ZFHX3: variants seen among roughly 807,000 people sequenced by gnomAD.
ZFHX3 encodes the protein zinc finger homeobox 3, also known as zinc finger homeobox protein 3.
In ZFHX3, 42 loss-of-function variants were observed where a neutral mutation model predicts 279.1. The ratio of observed to expected loss-of-function variants is 0.15; its 90% CI spans 0.12 to 0.19. The LOEUF (loss-of-function observed/expected upper bound fraction) is 0.19. Ranked by LOEUF, ZFHX3 falls within the 10% of genes least tolerant of loss-of-function variation. The pLI, the probability that ZFHX3 is intolerant of heterozygous loss-of-function variation, is 1.00. For synonymous variants in ZFHX3, 2,293 were observed against 1,957.8 expected (o/e 1.17, Z -4.52); for missense variants, 4,981 against 4,754.0 (o/e 1.05, Z -1.40).
intron 1 of ZFHX3, among the ~76,000 whole-genome samples, chr16:73,803,391 C>T (rs328392): frequency 0.46 from 69,471 of 151,894 alleles, 19,692 homozygotes; most frequent in African/African-American, 0.81. Context: ...CTGGGGATAA[C>T]GTTAAGAATG....
intron 2 of ZFHX3, among the ~76,000 whole-genome samples, chr16:73,529,462 C>T (rs988629508): frequency 6.6e-6 from 1 of 152,160 alleles, no homozygotes; most frequent in South Asian, 2.1e-4. Flanking sequence ...GCATGGCACC[C>T]ACCCAGGCAG....
chr16:73,238,065 C>T (rs2013009200), intron 5 of ZFHX3, among the ~76,000 whole-genome samples: 1 of 152,154 alleles, frequency 6.6e-6, no homozygotes, highest in Non-Finnish European at 1.5e-5. Flanking sequence ...GTGACCACTC[C>T]CTCTCGCAAG....
intron 5 of ZFHX3, among the ~76,000 whole-genome samples, chr16:73,164,471 G>A (rs1375946270): frequency 4.6e-5 from 7 of 152,146 alleles, no homozygotes; most frequent in Admixed American, 2.0e-4. Flanking sequence ...AGGCCAAGGC[G>A]GGTGGATCAC....
chr16:72,989,377 G>A (rs2144564104), intron 1 of ZFHX3, among the ~76,000 whole-genome samples: 1 of 151,902 alleles, frequency 6.6e-6, no homozygotes, highest in South Asian at 2.1e-4. Flanking sequence ...AGATACTCAG[G>A]AGGCTGAGGC....
chr16:72,993,882 CG>C (rs1305708495), intron 1 of ZFHX3, among the ~76,000 whole-genome samples: 21 of 152,228 alleles, frequency 1.4e-4, no homozygotes, highest in African/African-American at 4.6e-4. Context: ...CCAATGCATT[CG>C]GGGCTGTAGA....
At chr16:73,074,538 T>C (rs566941328) in intron 8 of ZFHX3, among the ~76,000 whole-genome samples, 1 of 152,328 alleles carries the variant, frequency 6.6e-6, no homozygotes, top group South Asian at 2.1e-4. Flanking sequence ...TGCTAATTGG[T>C]ACTCAGTGCT....
intron 3 of ZFHX3, among the ~76,000 whole-genome samples, chr16:73,367,946 G>A (rs866744511): frequency 1.3e-4 from 19 of 147,264 alleles, no homozygotes; most frequent in African/African-American, 4.8e-4. Flanking sequence ...TCAGCTCACT[G>A]CAACCTCCAC....
intron 7 of ZFHX3, among the ~76,000 whole-genome samples, chr16:73,105,800 C>T (rs750541142): frequency 2.0e-5 from 3 of 152,096 alleles, no homozygotes; most frequent in Non-Finnish European, 2.9e-5. Flanking sequence ...TAAAACAAAA[C>T]ATTTCACTGC....
intron 1 of ZFHX3, among the ~76,000 whole-genome samples, chr16:73,764,088 G>T (rs563198070): frequency 1.3e-5 from 2 of 152,192 alleles, no homozygotes; most frequent in East Asian, 1.9e-4. Context: ...ATCATAAATG[G>T]GTATTGTTTT....
Position 72,794,782 on chromosome 16 carries a change from C to T in ZFHX3, c.7900G>A (p.Gly2634Arg). 1 of 1,614,224 alleles carries T rather than the reference C, an allele frequency of 6.2e-7. No homozygotes were observed. The highest frequency in any genetic ancestry group is 1.1e-5 in the South Asian group (1 of 91,082). Residue 2634 changes from glycine (G) to arginine (R), a missense_variant, in exon 9 of 10, where the codon GGA becomes AGA. This residue lies in a region of ZFHX3 where 744 missense variants were observed against 701.3 expected (regional missense o/e 1.06). Transcript: ENST00000268489. The surrounding 1 kb of genome is among the most constrained non-coding windows in gnomAD (Gnocchi z 4.2). ...ASPGENDSGT[G>R]GEEPQRDKRL... is the part of the protein sequence containing the mutation. ...TTGTCTCTCTGAGGCTCTTCTCCTCCTGTCCCACTGTCGTTTTCGCCAGGG... is the reference window on the plus strand; with the variant it reads ...TTGTCTCTCTGAGGCTCTTCTCCTCTTGTCCCACTGTCGTTTTCGCCAGGG...
chr16:73,419,632 T>TG (rs2017675351), intron 3 of ZFHX3, among the ~76,000 whole-genome samples: 1 of 152,024 alleles, frequency 6.6e-6, no homozygotes, highest in Non-Finnish European at 1.5e-5. Context: ...TTTTTTGAGA[T>TG]GGGGTCTCGC....
chr16:73,075,066 C>G (rs916682855), intron 8 of ZFHX3, among the ~76,000 whole-genome samples: 3 of 152,180 alleles, frequency 2.0e-5, no homozygotes, highest in Admixed American at 2.0e-4. Flanking sequence ...CCTTGGTCTC[C>G]CAAAGTGCTG....
chr16:73,178,005 G>A (rs1967704005), intron 5 of ZFHX3, among the ~76,000 whole-genome samples: 1 of 152,102 alleles, frequency 6.6e-6, no homozygotes, highest in South Asian at 2.1e-4. Context: ...CAGGCATCAG[G>A]GAATCCTTCT....
At chr16:73,256,799 A>G (rs920453676) in intron 5 of ZFHX3, among the ~76,000 whole-genome samples, 3 of 152,234 alleles carry the variant, frequency 2.0e-5, no homozygotes, top group Non-Finnish European at 2.9e-5. Context: ...ATTTAATCAT[A>G]GTGCCCTTTG....
chr16:73,617,140 C>A (rs1179916986), intron 2 of ZFHX3, among the ~76,000 whole-genome samples: 1 of 152,172 alleles, frequency 6.6e-6, no homozygotes, highest in Non-Finnish European at 1.5e-5. Flanking sequence ...AACTAAACCC[C>A]TATTTCTCCA....
chr16:73,891,239 C>G (rs557842413), intron 1 of ZFHX3, among the ~76,000 whole-genome samples: 1 of 152,188 alleles, frequency 6.6e-6, no homozygotes, highest in Admixed American at 6.5e-5. Flanking sequence ...CCCACCTCTC[C>G]CCCCAGCTCT....
intron 4 of ZFHX3, among the ~76,000 whole-genome samples, chr16:72,852,021 G>T (rs2037632250): frequency 6.6e-6 from 1 of 152,164 alleles, no homozygotes; most frequent in Non-Finnish European, 1.5e-5. Context: ...ACTCTTCTGG[G>T]ATTGCAAGGC....
At chr16:73,891,802 T>A (rs1438917568) in exon 1 of ZFHX3, 1 of 150,852 alleles carries the variant, frequency 6.6e-6, no homozygotes, top group Non-Finnish European at 1.5e-5. Flanking sequence ...GTGTTGTGAC[T>A]GGGTTTATAA....
chr16:73,860,999 T>TC (rs1342368642), intron 1 of ZFHX3, among the ~76,000 whole-genome samples: 1 of 151,788 alleles, frequency 6.6e-6, no homozygotes, highest in Admixed American at 6.6e-5. Flanking sequence ...TTTTTTTTTT[T>TC]TGAGACAGGA....
Sources: gnomAD v4.1 joint callset for allele counts (sites outside exome capture counted in the v4.1 genomes callset) on GRCh38, gnomAD v4.1.1 for gene constraint, gnomAD v4.1.1 regional missense constraint, Gnocchi (gnomAD v3.1) non-coding constraint, MANE v1.5 for transcripts, NCBI Gene and HGNC (gene_info 2026-07-23, HGNC 2026-07-21) for gene names.